DDX19A: variants seen among roughly 807,000 people sequenced by gnomAD.
The protein encoded by DDX19A is ATP-dependent RNA helicase DDX19A.
Under a neutral mutation model 60.6 loss-of-function variants are expected in DDX19A, and 12 were observed. That is an observed-to-expected ratio of 0.20 (90% CI 0.13 to 0.32). DDX19A has a LOEUF of 0.32. DDX19A is among the 10% of genes least tolerant of loss of function. The probability of loss-of-function intolerance (pLI) is 1.00; values close to 1 mark genes in which losing one functional copy is unlikely to be tolerated. For synonymous variants in DDX19A, 206 were observed against 218.2 expected, an observed-to-expected ratio of 0.94 and a Z score of 0.49; for missense variants, 337 against 600.6, an observed-to-expected ratio of 0.56 and a Z score of 4.59.
At position 70,372,148 on chromosome 16, in the gene DDX19A, G is replaced by A. The variant is rs2047282896; in HGVS notation, c.*162G>A. ...ATGTTTGGACTTGACAAAAATAGGTGCAAATGATGGGGGGCAATAGAAGAA... is the reference window on the plus strand; with the variant it reads ...ATGTTTGGACTTGACAAAAATAGGTACAAATGATGGGGGGCAATAGAAGAA... On this transcript the variant is annotated 3_prime_UTR_variant, in exon 12 of 12. Coordinates refer to ENST00000302243, the MANE Select transcript of DDX19A (RefSeq NM_018332.5). The A allele has an allele frequency of 8.4e-7, 1 of 1,192,712 alleles. No homozygotes were observed. Among genetic ancestry groups the A allele is most frequent in the Admixed American group, 2.4e-5 (1 of 41,882 alleles). The allele number at this position is 1,192,712 out of a possible 1,614,324, so 73.9% of individuals were successfully genotyped here.
rs1286500941 is a variant in DDX19A at position 70,347,001 on chromosome 16, G to A, written c.10G>A (p.Asp4Asn). MAT[D>N]SWALAVDEQE... ...TCCCTTGTCCGGGACTATGGCCACCGACTCGTGGGCCCTGGCGGTGGACGA... is the reference window on the plus strand; with the variant it reads ...TCCCTTGTCCGGGACTATGGCCACCAACTCGTGGGCCCTGGCGGTGGACGA... The change falls in exon 1 of 12, where the codon GAC (aspartate) becomes AAC (asparagine). Residue 4 changes from aspartate (D) to asparagine (N), a missense_variant. This residue lies in a region of DDX19A where 127 missense variants were observed against 160.3 expected (regional missense o/e 0.79). Transcript: ENST00000302243. 2 of 1,612,650 alleles carry A rather than the reference G, an allele frequency of 1.2e-6. No homozygotes were observed.
chr16:70,350,255 AAAAT>A (rs1354272455), intron 1 of DDX19A, among the ~76,000 whole-genome samples: 1 of 152,200 alleles, frequency 6.6e-6, no homozygotes, highest in Admixed American at 6.5e-5. Flanking sequence ...CTTGTCTCAG[AAAAT>A]AAATAAATAG....
rs755442763 is a variant in DDX19A, at chr16:70,346,916, G to T, written c.-76G>T. The T allele has an allele frequency of 3.4e-6, 5 of 1,462,606 alleles. No homozygotes were observed. The highest frequency in any genetic ancestry group is 4.7e-6 in the Non-Finnish European group (5 of 1,067,788). The allele number at this position is 1,462,606 out of a possible 1,614,324, so 90.6% of individuals were successfully genotyped here. On this transcript the variant is annotated 5_prime_UTR_variant, in exon 1 of 12. Transcript: ENST00000302243. Reference sequence around the variant, plus strand: ...TCCGCGTGAGGTGCATTCTCGCGCCGGTGGCGAGGTTAGGGCCCGCGTTGC... The same window carrying T: ...TCCGCGTGAGGTGCATTCTCGCGCCTGTGGCGAGGTTAGGGCCCGCGTTGC...
chr16:70,365,990 T>G, intron 7 of DDX19A, 95 bp from the exon 8 acceptor site: 2 of 1,577,312 alleles, frequency 1.3e-6, no homozygotes, highest in South Asian at 2.3e-5. Flanking sequence ...TGGAAATAAC[T>G]TGTTCTCCTA....
intron 1 of DDX19A, among the ~76,000 whole-genome samples, chr16:70,348,495 C>G (rs962949383): frequency 6.6e-6 from 1 of 151,770 alleles, no homozygotes; most frequent in African/African-American, 2.4e-5. Flanking sequence ...GCGTGGTAGT[C>G]GTCCCCTGTT....
intron 5 of DDX19A, 54 bp from the exon 6 acceptor site, chr16:70,364,489 C>A: frequency 1.5e-6 from 2 of 1,334,742 alleles, no homozygotes; most frequent in Non-Finnish European, 2.2e-6. Context: ...AACATTTTGA[C>A]ATGTTACTGA....
In DDX19A at chr16:70,371,835, C is replaced by T. The variant is rs532944611; in HGVS notation, c.1376-90C>T. 1.2e-5 allele frequency: 19 copies of T among 1,600,310 alleles called. No individual in the cohort carries two copies. In the East Asian group the frequency reaches 2.2e-4, roughly 19 times the overall value. On this transcript the variant is annotated intron_variant, in intron 11 of 11. Transcript: ENST00000302243. The stretch of plus-strand genomic sequence containing the variant: ...CCCTGCTGCCCCCTGCTTAGGCACC[C>T]GGAGCCTTTGGGCCTGAATGAATGA...
rs2047299989 is a variant in DDX19A, at chr16:70,372,921, AT to A, written c.*937del. The A allele has an allele frequency of 6.6e-6, 1 of 152,216 alleles. No individual in the cohort carries two copies. The highest frequency in any genetic ancestry group is 6.5e-5 in the Admixed American group (1 of 15,274). 9.4% of individuals were successfully genotyped at this position (152,216 alleles called of 1,614,324 possible). ...ATAGTGGACATTATGGAGAGCTCTG[AT>A]TCCTACATAATATGAATAAGGATGG... On this transcript the variant is annotated 3_prime_UTR_variant, in exon 12 of 12. Transcript: ENST00000302243.
At position 70,355,389 on chromosome 16, in the gene DDX19A, AT is replaced by A. The variant is rs1374182584; in HGVS notation, c.107-95del. 27 of 974,010 alleles carry A rather than the reference AT, an allele frequency of 2.8e-5. No homozygotes were observed. In the South Asian group the frequency reaches 3.3e-4, roughly 12 times the overall value. The allele number at this position is 974,010 out of a possible 1,614,324, so 60.3% of individuals were successfully genotyped here. A position where few individuals can be genotyped will look rare whatever the true frequency, so the allele number is the denominator to read the frequency against. ...AAAACTCCGTCTGAAAAATAAAAAA[AT>A]AAAATAAATTTCAGTGTATTTATTT... On this transcript the variant is annotated intron_variant, in intron 2 of 11. Coordinates refer to ENST00000302243, the MANE Select transcript of DDX19A (RefSeq NM_018332.5).
intron 1 of DDX19A, 65 bp downstream of exon 1, chr16:70,347,113 C>A (rs1212164585): frequency 6.6e-7 from 1 of 1,517,658 alleles, no homozygotes; most frequent in South Asian, 1.2e-5. Flanking sequence ...CCCAAAAGCA[C>A]AGGGAGCTCC....
Position 70,356,226 on chromosome 16 carries a change from A to C in DDX19A, c.272A>C (p.Lys91Thr). 6.2e-7 allele frequency: 1 copy of C among 1,614,206 alleles called. No homozygotes were observed. The highest frequency in any genetic ancestry group is 8.5e-7 in the Non-Finnish European group (1 of 1,180,050). The change falls in exon 4 of 12, where the codon AAG (lysine) becomes ACG (threonine). Residue 91 changes from lysine to threonine, a missense_variant. Transcript: ENST00000302243. ...CCAAACTCCCCTCTGTACTCGGTGA[A>C]GTCGTTTGAAGAGCTTCGGCTGTGA... The part of the protein sequence containing the change: ...RDPNSPLYSV[K>T]SFEELRLKPQ...
intron 2 of DDX19A, among the ~76,000 whole-genome samples, chr16:70,351,483 A>G (rs888653879): frequency 1.3e-5 from 2 of 152,106 alleles, no homozygotes; most frequent in African/African-American, 4.8e-5. Context: ...CTGGGATTAC[A>G]GGCATGAGTC....
At chr16:70,350,215 T>C (rs189863763) in intron 1 of DDX19A, among the ~76,000 whole-genome samples, 16 of 152,320 alleles carry the variant, frequency 1.1e-4, no homozygotes, top group Non-Finnish European at 1.9e-4. Flanking sequence ...ATCGTGCTGC[T>C]GTACTCCAGC....
chr16:70,357,818 A>G (rs1327667561), intron 4 of DDX19A, among the ~76,000 whole-genome samples: 1 of 152,086 alleles, frequency 6.6e-6, no homozygotes, highest in African/African-American at 2.4e-5. Flanking sequence ...CAGGATCACA[A>G]TCATAGAAAG....
chr16:70,352,763 A>AT (rs2152224754), intron 2 of DDX19A, among the ~76,000 whole-genome samples: 1 of 151,496 alleles, frequency 6.6e-6, no homozygotes, highest in East Asian at 2.0e-4. Flanking sequence ...CAGCCTTCCA[A>AT]GTAGCTGGGA....
At position 70,352,433 on chromosome 16, in the gene DDX19A, C is replaced by T. The variant is rs181261282; in HGVS notation, c.106+1828C>T. 1.7e-3 allele frequency among the ~76,000 whole-genome samples: 262 copies of T among 149,814 alleles called. 3 individuals are homozygous for T. The highest frequency in any genetic ancestry group is 6.1e-3 in the African/African-American group (247 of 40,706). On this transcript the variant is annotated intron_variant, in intron 2 of 11. Coordinates refer to ENST00000302243, the MANE Select transcript of DDX19A (RefSeq NM_018332.5). ...CTGAATAGCTGGGATTACAGGTGTC[C>T]GCCATCATGCCCAGCTAATTTTTGT...
At chr16:70,365,263 G>T (rs978389676) in intron 7 of DDX19A, 132 bp downstream of exon 7, 2 of 546,384 alleles carry the variant, frequency 3.7e-6, no homozygotes, top group East Asian at 6.0e-5. Context: ...TGCTCTATTT[G>T]AATCTATTTG....
chr16:70,361,563 C>A, intron 5 of DDX19A, 53 bp downstream of exon 5: 1 of 1,470,826 alleles, frequency 6.8e-7, no homozygotes, highest in Non-Finnish European at 9.4e-7. Flanking sequence ...TCAATCTTCC[C>A]CAAACTGCGT....
chr16:70,372,061 C>A lies in DDX19A; in HGVS notation c.*75C>A, dbSNP rs2047280962. 6.2e-7 allele frequency: 1 copy of A among 1,605,934 alleles called. No individual in the cohort carries two copies. Among genetic ancestry groups the A allele is most frequent in the Non-Finnish European group, 8.5e-7 (1 of 1,172,858 alleles). On this transcript the variant is annotated 3_prime_UTR_variant, in exon 12 of 12. Coordinates refer to ENST00000302243, the MANE Select transcript of DDX19A (RefSeq NM_018332.5). ...AGACAAGTGCATTTAGGGCACAGGC[C>A]CCGACATCACCCCAAGGACAACGGC...
Sources: gnomAD v4.1 joint callset for allele counts (sites outside exome capture counted in the v4.1 genomes callset) on GRCh38, gnomAD v4.1.1 for gene constraint, gnomAD v4.1.1 regional missense constraint, MANE v1.5 for transcripts, NCBI Gene and HGNC (gene_info 2026-07-23, HGNC 2026-07-21) for gene names.